CDH13: variants seen among roughly 807,000 people sequenced by gnomAD.
The protein encoded by CDH13 is cadherin 13.
In CDH13, 24 loss-of-function variants were observed where a neutral mutation model predicts 63.8. The observed-to-expected ratio is 0.38, with a 90% CI of 0.27 to 0.53. The LOEUF is 0.53. Ranked by LOEUF, CDH13 falls within the 20% of genes least tolerant of loss-of-function variation. The pLI is 0.85. For synonymous variants in CDH13, 503 were observed against 355.3 expected (o/e 1.42, Z -4.67); for missense variants, 1,049 against 903.1 (o/e 1.16, Z -2.07).
At chr16:83,286,425 T>G (rs2089314372) in intron 5 of CDH13, among the ~76,000 whole-genome samples, 1 of 152,212 alleles carries the variant, frequency 6.6e-6, no homozygotes, top group Non-Finnish European at 1.5e-5. Flanking sequence ...AGAGGCAGCT[T>G]TACAGATGTA....
intron 5 of CDH13, among the ~76,000 whole-genome samples, chr16:83,275,070 G>A (rs1334004248): frequency 2.6e-5 from 4 of 152,004 alleles, no homozygotes; most frequent in Admixed American, 2.0e-4. Flanking sequence ...TATACATGAG[G>A]GCAGGGATCG....
chr16:83,419,931 A>G (rs1407656746), intron 6 of CDH13, among the ~76,000 whole-genome samples: 2 of 151,572 alleles, frequency 1.3e-5, no homozygotes, highest in Admixed American at 6.6e-5. Context: ...TTTTTTTAAA[A>G]AAAAGTTTTG....
chr16:83,155,565 A>C (rs559021090), intron 4 of CDH13, among the ~76,000 whole-genome samples: 2 of 152,118 alleles, frequency 1.3e-5, no homozygotes, highest in Non-Finnish European at 2.9e-5. Flanking sequence ...TCAACAGTGC[A>C]TATAGCTAAA....
At chr16:83,015,898 A>G (rs1186735720) in intron 2 of CDH13, among the ~76,000 whole-genome samples, 2 of 151,658 alleles carry the variant, frequency 1.3e-5, no homozygotes, top group East Asian at 1.9e-4. Context: ...TATGATTTAC[A>G]TTTGGCTTGT....
At chr16:82,986,752 C>G (rs1347491177) in intron 2 of CDH13, among the ~76,000 whole-genome samples, 1 of 152,216 alleles carries the variant, frequency 6.6e-6, no homozygotes, top group African/African-American at 2.4e-5. Context: ...GATAACCCAA[C>G]TGTAAGACCA....
chr16:83,445,311 TGC>T (rs2072653662), intron 6 of CDH13, among the ~76,000 whole-genome samples: 1 of 150,044 alleles, frequency 6.7e-6, no homozygotes, highest in Non-Finnish European at 1.5e-5. Context: ...ATAAAAGGTT[TGC>T]ATCATTTTCA....
intron 11 of CDH13, among the ~76,000 whole-genome samples, chr16:83,773,543 C>G (rs149353586): frequency 2.0e-5 from 3 of 152,260 alleles, no homozygotes; most frequent in African/African-American, 7.2e-5. Flanking sequence ...ATCAAGAGAA[C>G]AGCATGGGGG....
chr16:83,282,537 C>A (rs959618965), intron 5 of CDH13, among the ~76,000 whole-genome samples: 1 of 152,140 alleles, frequency 6.6e-6, no homozygotes. Context: ...GTCACTAAAA[C>A]CCCTGTCTAT....
chr16:82,881,808 G>T (rs1164496182), intron 2 of CDH13, among the ~76,000 whole-genome samples: 1 of 152,064 alleles, frequency 6.6e-6, no homozygotes, highest in East Asian at 1.9e-4. Flanking sequence ...GTCCCCCTGC[G>T]ATACGATAGC....
chr16:83,124,526 A>ATTTT (rs796542234), intron 3 of CDH13, among the ~76,000 whole-genome samples: 2 of 133,816 alleles, frequency 1.5e-5, no homozygotes, highest in Non-Finnish European at 3.3e-5. Context: ...TGAATTGTCC[A>ATTTT]TTTTTTTTTT....
At position 82,627,153 on chromosome 16, in the gene CDH13, T is replaced by C. The variant is rs750863734; in HGVS notation, c.45+16T>C. On this transcript the variant is annotated intron_variant, in intron 1 of 13. Coordinates refer to ENST00000567109, the MANE Select transcript of CDH13 (RefSeq NM_001257.5). ...CCTGTCCCAGGTAGGGAAGAGGGGC[T>C]GCCGGGCGCGCTCTGCGCCCCGTTT... 5 of 1,599,916 alleles carry C rather than the reference T, an allele frequency of 3.1e-6. No homozygotes were observed. In the South Asian group the frequency reaches 5.6e-5, roughly 18 times the overall value.
chr16:83,411,869 A>C (rs901818395), intron 6 of CDH13, among the ~76,000 whole-genome samples: 5 of 152,224 alleles, frequency 3.3e-5, no homozygotes, highest in African/African-American at 1.2e-4. Flanking sequence ...ACAAGTTTAT[A>C]AGGTAGATAG....
chr16:82,684,536 C>T lies in CDH13; in HGVS notation c.45+57399C>T, dbSNP rs567795793. 4.6e-5 allele frequency among the ~76,000 whole-genome samples: 7 copies of T among 152,228 alleles called. No individual in the cohort carries two copies. In the South Asian group the frequency reaches 6.2e-4, roughly 14 times the overall value. ...AGTTATGTCATGCATACCACAGACTCACCATCTCAGCTTAATAGACCATGA... is the reference window on the plus strand; with the variant it reads ...AGTTATGTCATGCATACCACAGACTTACCATCTCAGCTTAATAGACCATGA... On this transcript the variant is annotated intron_variant, in intron 1 of 13. Transcript: ENST00000567109.
At chr16:83,600,780 T>C (rs967407360) in intron 7 of CDH13, among the ~76,000 whole-genome samples, 7 of 152,220 alleles carry the variant, frequency 4.6e-5, no homozygotes, top group Non-Finnish European at 1.5e-5. Flanking sequence ...GGGAAATTAT[T>C]GCCTTCATTA....
At chr16:83,085,568 C>G (rs942095384) in intron 3 of CDH13, among the ~76,000 whole-genome samples, 1 of 152,206 alleles carries the variant, frequency 6.6e-6, no homozygotes, top group African/African-American at 2.4e-5. Flanking sequence ...TACTGTTTGT[C>G]TCTCATAGGC....
At chr16:83,569,998 G>C (rs1403303004) in intron 7 of CDH13, among the ~76,000 whole-genome samples, 1 of 152,182 alleles carries the variant, frequency 6.6e-6, no homozygotes. Flanking sequence ...GCCTCCCAAA[G>C]TGCTTGGATT....
At chr16:83,323,174 TTTTCTTTC>T (rs1555530161) in intron 5 of CDH13, among the ~76,000 whole-genome samples, 38 of 82,286 alleles carry the variant, frequency 4.6e-4, no homozygotes, top group African/African-American at 1.7e-3. Context: ...TCTCTTTCTT[TTTTCTTTC>T]TTTCTTTCTT....
intron 7 of CDH13, among the ~76,000 whole-genome samples, chr16:83,566,836 C>T (rs1050333314): frequency 6.6e-6 from 1 of 152,122 alleles, no homozygotes; most frequent in African/African-American, 2.4e-5. Flanking sequence ...AGGGAACTGT[C>T]AGCTCCTAAG....
rs569031773 is a variant in CDH13, at chr16:82,901,196, C to A, written c.157+42723C>A. Among the ~76,000 whole-genome samples, 5 of 152,134 alleles carry A rather than the reference C, an allele frequency of 3.3e-5. No individual in the cohort carries two copies. The South Asian group carries it at 1.0e-3, about 32-fold the overall frequency. ...GTTGTTTTTTGACCTTCTGCTGACACTGTCTTCTTGCTCTCATCACAGCTT... is the reference window on the plus strand; with the variant it reads ...GTTGTTTTTTGACCTTCTGCTGACAATGTCTTCTTGCTCTCATCACAGCTT... On this transcript the variant is annotated intron_variant, in intron 2 of 13. Transcript: ENST00000567109.
Sources: allele counts gnomAD v4.1 joint callset (sites outside exome capture counted in the v4.1 genomes callset), GRCh38; gene constraint gnomAD v4.1.1; transcripts MANE v1.5; gene names NCBI Gene and HGNC (gene_info 2026-07-23, HGNC 2026-07-21).